CAV1: variants seen among roughly 807,000 people sequenced by gnomAD.
CAV1 encodes the protein caveolin 1.
Under a neutral mutation model 16.5 loss-of-function variants are expected in CAV1, and 10 were observed. The ratio of observed to expected loss-of-function variants is 0.61; its 90% CI spans 0.37 to 1.03. CAV1 has a LOEUF of 1.03. CAV1 is among the 50% of genes least tolerant of loss of function. The probability of loss-of-function intolerance (pLI) is 0.01; values close to 1 mark genes in which losing one functional copy is unlikely to be tolerated. For missense variants in CAV1, 212 were observed against 232.8 expected, an observed-to-expected ratio of 0.91 and a Z score of 0.58; for synonymous variants, 76 against 85.1, an observed-to-expected ratio of 0.89 and a Z score of 0.59.
intron 2 of CAV1, among the ~76,000 whole-genome samples, chr7:116,546,249 A>G (rs2116040616): frequency 6.6e-6 from 1 of 152,320 alleles, no homozygotes; most frequent in South Asian, 2.1e-4. Flanking sequence ...CCTGCTTTGT[A>G]CTGAGCCAGC....
At chr7:116,553,445 T>G (rs1246670961) in intron 2 of CAV1, among the ~76,000 whole-genome samples, 1 of 152,054 alleles carries the variant, frequency 6.6e-6, no homozygotes, top group East Asian at 1.9e-4. Flanking sequence ...TTATAAAGCA[T>G]CTGTTGACAC....
intron 2 of CAV1, among the ~76,000 whole-genome samples, chr7:116,555,501 AAAG>A (rs1562838003): frequency 0.039 from 772 of 19,892 alleles, 176 homozygotes; most frequent in African/African-American, 0.071. Flanking sequence ...AGAAAGAAAG[AAAG>A]AAAGAAAGAA....
Position 116,559,685 on chromosome 7 carries a change from G to A in CAV1, c.*398G>A, listed in dbSNP as rs1013950727. The stretch of plus-strand genomic sequence containing the variant: ...CAAAATGTTGGTCATTTTATGTTAA[G>A]GGAAGAATTCCAGGGTATGGCCATG... On this transcript the variant is annotated 3_prime_UTR_variant, in exon 3 of 3. Coordinates refer to ENST00000341049, the MANE Select transcript of CAV1 (RefSeq NM_001753.5). 3.8e-5 allele frequency: 20 copies of A among 524,556 alleles called. No individual in the cohort carries two copies. Among genetic ancestry groups the A allele is most frequent in the Admixed American group, 7.4e-5 (2 of 26,942 alleles). The allele number at this position is 524,556 out of a possible 1,614,324, so 32.5% of individuals were successfully genotyped here. A position where few individuals can be genotyped will look rare whatever the true frequency, so the allele number is the denominator to read the frequency against.
intron 1 of CAV1, chr7:116,526,275 G>T: frequency 2.4e-6 from 3 of 1,272,422 alleles, no homozygotes; most frequent in Non-Finnish European, 3.0e-6. Flanking sequence ...GCGGGCGGGG[G>T]AGGCAGGCGC....
At chr7:116,542,932 G>T (rs980195739) in intron 2 of CAV1, 1 of 152,232 alleles carries the variant, frequency 6.6e-6, no homozygotes, top group African/African-American at 2.4e-5. Flanking sequence ...ATCTTCACAG[G>T]GCCCAGGGAC....
rs376279143 is a variant in CAV1, at chr7:116,532,245, A to G, written c.195+5556A>G. Among the ~76,000 whole-genome samples, 99 of 152,338 alleles carry G rather than the reference A, an allele frequency of 6.5e-4. 1 individual carries two copies. Among genetic ancestry groups the G allele is most frequent in the African/African-American group, 2.2e-3 (91 of 41,580 alleles). On this transcript the variant is annotated intron_variant, in intron 2 of 2. Transcript: ENST00000341049. ...AGCTGCAATAGTGAGCTGCATCTGG[A>G]AAGTCCAGTAATTTGAAAAACCACC... is the stretch of plus-strand genomic sequence containing the variant.
rs539136319 is a variant in CAV1, at chr7:116,525,806, G to T, written c.30+714G>T. The T allele has an allele frequency of 2.8e-5, 29 of 1,034,098 alleles. 1 individual carries two copies. The South Asian group carries it at 1.1e-3, about 39-fold the overall frequency. 64.1% of individuals were successfully genotyped at this position (1,034,098 alleles called of 1,614,324 possible). ...AGGGTGGGTCGGGGGAGCTGCGCAG[G>T]TGAGACTGAGTTCTAGGACATTTAG... On this transcript the variant is annotated intron_variant, in intron 1 of 2. Coordinates refer to ENST00000341049, the MANE Select transcript of CAV1 (RefSeq NM_001753.5).
chr7:116,530,996 C>A (rs1384493857), intron 2 of CAV1, among the ~76,000 whole-genome samples: 1 of 152,092 alleles, frequency 6.6e-6, no homozygotes, highest in Non-Finnish European at 1.5e-5. Context: ...GAAGACAATG[C>A]GAAGTGGCAT....
chr7:116,555,847 A>G (rs994078249), intron 2 of CAV1, among the ~76,000 whole-genome samples: 8 of 152,198 alleles, frequency 5.3e-5, no homozygotes, highest in African/African-American at 1.9e-4. Context: ...GGAGGTAGAA[A>G]GAAACTAAGC....
chr7:116,534,900 T>C (rs533519558), intron 2 of CAV1, among the ~76,000 whole-genome samples: 11 of 152,318 alleles, frequency 7.2e-5, no homozygotes, highest in African/African-American at 2.2e-4. Flanking sequence ...TGTAGATGTT[T>C]TCCCTGCCAG....
At chr7:116,551,214 A>T (rs933376460) in intron 2 of CAV1, among the ~76,000 whole-genome samples, 2 of 152,158 alleles carry the variant, frequency 1.3e-5, no homozygotes, top group African/African-American at 2.4e-5. Flanking sequence ...TCACCAGGTG[A>T]TCCTTTTGCT....
rs187513015 is a variant in CAV1, at chr7:116,542,794, T to C, written c.195+16105T>C. The C allele has an allele frequency of 4.6e-5, 7 of 152,250 alleles. 1 individual carries two copies. Among genetic ancestry groups the C allele is most frequent in the Admixed American group, 3.9e-4 (6 of 15,292 alleles). 9.4% of individuals were successfully genotyped at this position (152,250 alleles called of 1,614,324 possible). A position where few individuals can be genotyped will look rare whatever the true frequency, so the allele number is the denominator to read the frequency against. ...AGCTTAGCCAGTTAGAACACCAGAGTATCATCCCCCTCCCCCTTTTCCCAC... is the reference window on the plus strand; with the variant it reads ...AGCTTAGCCAGTTAGAACACCAGAGCATCATCCCCCTCCCCCTTTTCCCAC... On this transcript the variant is annotated intron_variant, in intron 2 of 2. Coordinates refer to ENST00000341049, the MANE Select transcript of CAV1 (RefSeq NM_001753.5).
chr7:116,553,399 A>G (rs1364168326), intron 2 of CAV1, among the ~76,000 whole-genome samples: 1 of 152,022 alleles, frequency 6.6e-6, no homozygotes, highest in Non-Finnish European at 1.5e-5. Context: ...ATTTCATGTC[A>G]TTTATAAAAA....
At chr7:116,526,383 G>C (rs953128437) in intron 1 of CAV1, 142 bp from the exon 2 acceptor site, 5 of 1,527,020 alleles carry the variant, frequency 3.3e-6, no homozygotes, top group Non-Finnish European at 4.4e-6. Flanking sequence ...CGTAGCTGTC[G>C]GAGCGGTTAG....
intron 2 of CAV1, 56 bp downstream of exon 2, chr7:116,526,745 C>T: frequency 6.2e-7 from 1 of 1,600,882 alleles, no homozygotes; most frequent in South Asian, 1.1e-5. Context: ...TGGCAGTTAG[C>T]CCGTGCATCC....
chr7:116,533,348 TAAATA>T (rs763800018), intron 2 of CAV1, among the ~76,000 whole-genome samples: 9,792 of 137,052 alleles, frequency 0.071, 638 homozygotes, highest in African/African-American at 0.15. Context: ...AAAAATAAAA[TAAATA>T]AAATAAAATA....
At chr7:116,542,504 C>CCAATA (rs1691919549) in intron 2 of CAV1, among the ~76,000 whole-genome samples, 1 of 152,098 alleles carries the variant, frequency 6.6e-6, no homozygotes. Flanking sequence ...AACACTTTAT[C>CCAATA]ATGACAAGAC....
chr7:116,539,502 T>C (rs1793894285), intron 2 of CAV1, among the ~76,000 whole-genome samples: 4 of 152,222 alleles, frequency 2.6e-5, no homozygotes, highest in Admixed American at 6.5e-5. Flanking sequence ...TCTTTCTTCC[T>C]TTGCCACTTT....
Position 116,530,208 on chromosome 7 carries a change from C to CTTTTTTTTTTTTTTTTTTTTT in CAV1, c.195+3532_195+3533insTTTTTTTTTTTTTTTTTTTTT, listed in dbSNP as rs3030806. Among the ~76,000 whole-genome samples the CTTTTTTTTTTTTTTTTTTTTT allele has an allele frequency of 2.8e-4, 35 of 125,350 alleles. 1 individual carries two copies. The highest frequency in any genetic ancestry group is 5.8e-4 in the African/African-American group (18 of 31,152). The allele number at this position is 125,350 out of a possible 152,430, so 82.2% of individuals were successfully genotyped here. A position where few individuals can be genotyped will look rare whatever the true frequency, so the allele number is the denominator to read the frequency against. On this transcript the variant is annotated intron_variant, in intron 2 of 2. Coordinates refer to ENST00000341049, the MANE Select transcript of CAV1 (RefSeq NM_001753.5). ...CATGGAAACTGATTGGTCCTTTTTC[C>CTTTTTTTTTTTTTTTTTTTTT]TTTTTTTTTTTTTGCCTTGACTGCC...
Sources: allele counts gnomAD v4.1 joint callset (sites outside exome capture counted in the v4.1 genomes callset), GRCh38; gene constraint gnomAD v4.1.1; transcripts MANE v1.5; gene names NCBI Gene and HGNC (gene_info 2026-07-23, HGNC 2026-07-21).